ST6GALNAC2: variants seen among roughly 807,000 people sequenced by gnomAD.
ST6GALNAC2 encodes ST6 N-acetylgalactosaminide alpha-2,6-sialyltransferase 2.
Under a neutral mutation model 38.7 loss-of-function variants are expected in ST6GALNAC2, and 42 were observed. The ratio of observed to expected loss-of-function variants is 1.09; its 90% CI spans 0.85 to 1.40. The LOEUF (loss-of-function observed/expected upper bound fraction) is 1.40. Ranked by LOEUF, ST6GALNAC2 falls within the 40% of genes most tolerant of loss-of-function variation. The pLI is 0.00. For synonymous variants in ST6GALNAC2, 233 were observed against 209.0 expected (o/e 1.11, Z -0.99); for missense variants, 506 against 481.7 (o/e 1.05, Z -0.47).
At chr17:76,579,498 G>A (rs2075452556) in intron 1 of ST6GALNAC2, among the ~76,000 whole-genome samples, 2 of 152,198 alleles carry the variant, frequency 1.3e-5, no homozygotes, top group South Asian at 2.1e-4. Flanking sequence ...CCCTTTGTGT[G>A]GGTCACGCCC....
intron 2 of ST6GALNAC2, among the ~76,000 whole-genome samples, chr17:76,577,320 G>A (rs567368406): frequency 6.8e-4 from 103 of 151,696 alleles, no homozygotes; most frequent in Middle Eastern, 3.4e-3. Context: ...CACCCACCTC[G>A]GCCTCCCAAA....
In ST6GALNAC2 at chr17:76,566,156, G is replaced by GA; in HGVS notation, c.1072_1073insT (p.Ala358ValfsTer23). 2 of 1,614,130 alleles carry GA rather than the reference G, an allele frequency of 1.2e-6. No homozygotes were observed. The highest frequency in any genetic ancestry group is 1.7e-6 in the Non-Finnish European group (2 of 1,180,026). On this transcript the variant is annotated frameshift_variant, in exon 9 of 9. Coordinates refer to ENST00000225276, the MANE Select transcript of ST6GALNAC2 (RefSeq NM_006456.3). LOFTEE classifies it high-confidence loss of function. ...GGCCTTGTGCAGGTCCCTCCACAGG[G>GA]CAGCTTCCAGGGACAGATCGTGGTT... is the stretch of plus-strand genomic sequence containing the variant.
chr17:76,572,656 G>T lies in ST6GALNAC2; in HGVS notation c.650C>A (p.Thr217Asn). ...CCTCACCTGTCCTTGTGGCACGGAG[G>T]TGAAGCCCAGATTCCAGTAGGAGAC... is the stretch of plus-strand genomic sequence containing the variant. The part of the protein sequence containing the change: ...SLVSYWNLGF[T>N]SVPQGQDLQY... Residue 217 changes from threonine (T) to asparagine (N), a missense_variant, in exon 5 of 9, where the codon ACC becomes AAC. Transcript: ENST00000225276. The T allele has an allele frequency of 2.5e-6, 4 of 1,614,142 alleles. No homozygotes were observed. The highest frequency in any genetic ancestry group is 3.4e-6 in the Non-Finnish European group (4 of 1,180,024).
At chr17:76,574,866 C>T (rs531020976) in intron 2 of ST6GALNAC2, among the ~76,000 whole-genome samples, 40 of 152,080 alleles carry the variant, frequency 2.6e-4, no homozygotes, top group African/African-American at 9.4e-4. Flanking sequence ...TTAGTAGAGA[C>T]GGGGTTTCAC....
chr17:76,574,778 G>A (rs1457137091), intron 2 of ST6GALNAC2, among the ~76,000 whole-genome samples: 1 of 151,864 alleles, frequency 6.6e-6, no homozygotes, highest in African/African-American at 2.4e-5. Flanking sequence ...CCGGGTTCAC[G>A]CCATTCTCCT....
intron 1 of ST6GALNAC2, among the ~76,000 whole-genome samples, chr17:76,582,386 T>TGCCCAGTCTGGTC (rs71158027): frequency 0.75 from 103,609 of 139,050 alleles, 38,995 homozygotes; most frequent in East Asian, 0.84. Flanking sequence ...TTTGCCATGT[T>TGCCCAGTCTGGTC]TCAAACTCCT....
chr17:76,570,295 A>C, intron 6 of ST6GALNAC2: 3 of 466,660 alleles, frequency 6.4e-6, no homozygotes, highest in Non-Finnish European at 1.2e-5. Flanking sequence ...CCCATTCAGA[A>C]GAGCTGCCTC....
chr17:76,566,375 G>A, intron 8 of ST6GALNAC2, 104 bp from the exon 9 acceptor site: 1 of 1,248,328 alleles, frequency 8.0e-7, no homozygotes, highest in Non-Finnish European at 1.1e-6. Flanking sequence ...CTGCTGAGGT[G>A]AGGATAATGG....
chr17:76,574,835 C>A (rs142940212), intron 2 of ST6GALNAC2, among the ~76,000 whole-genome samples: 1,586 of 152,228 alleles, frequency 0.01, 16 homozygotes, highest in African/African-American at 0.032. Context: ...CGCCACCACG[C>A]CCGGCTAATT....
Position 76,578,857 on chromosome 17 carries a change from G to C in ST6GALNAC2, c.126-41C>G, listed in dbSNP as rs1191730058. ...GAAAAAAGCAGGGGTCAGCAGCTCT[G>C]ACCTACCCCTTGGAAGCTTTTGGAC... On this transcript the variant is annotated intron_variant, in intron 1 of 8. Coordinates refer to ENST00000225276, the MANE Select transcript of ST6GALNAC2 (RefSeq NM_006456.3). The C allele has an allele frequency of 3.8e-6, 6 of 1,591,262 alleles. No homozygotes were observed. The East Asian group carries it at 1.3e-4, about 36-fold the overall frequency.
In ST6GALNAC2 at chr17:76,570,538, C is replaced by T. The variant is rs1598247561; in HGVS notation, c.773+27G>A. On this transcript the variant is annotated intron_variant, in intron 6 of 8. Coordinates refer to ENST00000225276, the MANE Select transcript of ST6GALNAC2 (RefSeq NM_006456.3). ...GTGTCCCTTGCCCCTCTGCCACGCC[C>T]CACACCACCACGGCCTGGCTGCTCA... 6 of 1,547,546 alleles carry T rather than the reference C, an allele frequency of 3.9e-6. No individual in the cohort carries two copies. In the South Asian group the frequency reaches 4.6e-5, roughly 12 times the overall value.
intron 8 of ST6GALNAC2, 86 bp from the exon 9 acceptor site, chr17:76,566,357 G>A (rs2075282905): frequency 1.4e-6 from 2 of 1,425,126 alleles, no homozygotes; most frequent in Non-Finnish European, 1.9e-6. Context: ...GTTTAGAAAG[G>A]TGTCCGTCTG....
chr17:76,576,902 G>A lies in ST6GALNAC2; in HGVS notation c.186+1854C>T, dbSNP rs560558678. On this transcript the variant is annotated intron_variant, in intron 2 of 8. Coordinates refer to ENST00000225276, the MANE Select transcript of ST6GALNAC2 (RefSeq NM_006456.3). ...CAAGAATTGCTTGAACGTGGGAGGC[G>A]GAGGTTGCAGTGAGCCAAGATGGCG... Among the ~76,000 whole-genome samples the A allele has an allele frequency of 3.9e-4, 59 of 150,832 alleles. 1 individual carries two copies. The East Asian group carries it at 0.011, about 29-fold the overall frequency.
chr17:76,583,492 G>A (rs1358231146), intron 1 of ST6GALNAC2, among the ~76,000 whole-genome samples: 2 of 151,968 alleles, frequency 1.3e-5, no homozygotes, highest in Non-Finnish European at 2.9e-5. Context: ...AAGCCTGGGT[G>A]ACAGAGTGAG....
chr17:76,573,942 G>C lies in ST6GALNAC2; in HGVS notation c.361+423C>G, dbSNP rs181304101. On this transcript the variant is annotated intron_variant, in intron 3 of 8. Transcript: ENST00000225276. The surrounding 1 kb of genome is among the most constrained non-coding windows in gnomAD (Gnocchi z 5.1). Reference sequence around the variant, plus strand: ...CTCCATCTCAAAAATAAAAAAGACTGTATATTGCAAAAGAAAAGAATCGGA... The same window carrying C: ...CTCCATCTCAAAAATAAAAAAGACTCTATATTGCAAAAGAAAAGAATCGGA... 2.6e-5 allele frequency among the ~76,000 whole-genome samples: 4 copies of C among 152,100 alleles called. No individual in the cohort carries two copies. In the East Asian group the frequency reaches 7.8e-4, roughly 29 times the overall value.
At chr17:76,584,573 C>A (rs2075521006) in intron 1 of ST6GALNAC2, among the ~76,000 whole-genome samples, 1 of 152,108 alleles carries the variant, frequency 6.6e-6, no homozygotes, top group Non-Finnish European at 1.5e-5. Flanking sequence ...AATTCCTGGC[C>A]TCAAGCTATC....
chr17:76,579,388 GAA>G (rs1330718329), intron 1 of ST6GALNAC2, among the ~76,000 whole-genome samples: 2 of 152,230 alleles, frequency 1.3e-5, no homozygotes, highest in African/African-American at 4.8e-5. Context: ...TATGAAAATA[GAA>G]AAGATTGCCA....
chr17:76,581,963 G>A (rs1299614680), intron 1 of ST6GALNAC2, among the ~76,000 whole-genome samples: 1 of 151,878 alleles, frequency 6.6e-6, no homozygotes, highest in Non-Finnish European at 1.5e-5. Context: ...CACCTCCTGG[G>A]TTCAAGCGAT....
At chr17:76,585,074 G>T (rs890701426) in intron 1 of ST6GALNAC2, among the ~76,000 whole-genome samples, 9 of 152,232 alleles carry the variant, frequency 5.9e-5, no homozygotes, top group Non-Finnish European at 1.0e-4. Flanking sequence ...AACGCGGATG[G>T]AGCCAGGAGT....
Sources: allele counts gnomAD v4.1 joint callset (sites outside exome capture counted in the v4.1 genomes callset), GRCh38; gene constraint gnomAD v4.1.1; non-coding constraint Gnocchi (gnomAD v3.1); transcripts MANE v1.5; gene names NCBI Gene and HGNC (gene_info 2026-07-23, HGNC 2026-07-21).